The following BCAS3 variants were observed in gnomAD, a reference collection of about 807,000 sequenced individuals.
BCAS3 encodes BCAS3 microtubule associated cell migration factor.
A neutral mutation model predicts 116.1 loss-of-function variants in BCAS3; 53 were observed. The observed-to-expected ratio is 0.46, with a 90% CI of 0.37 to 0.57. The LOEUF is 0.57. Among genes scored for constraint, BCAS3 ranks in the 20% least tolerant of loss-of-function variants. The pLI is 0.00. For missense variants in BCAS3, 917 were observed against 1,165.4 expected (o/e 0.79, Z 3.10); for synonymous variants, 391 against 408.2 (o/e 0.96, Z 0.51).
intron 2 of BCAS3, among the ~76,000 whole-genome samples, chr17:60,681,785 G>A (rs963302901): frequency 4.8e-5 from 7 of 147,286 alleles, no homozygotes; most frequent in African/African-American, 2.5e-5. Flanking sequence ...GCTGGAGTGC[G>A]ATGGCACGAT....
intron 23 of BCAS3, among the ~76,000 whole-genome samples, chr17:61,386,789 G>GTTTTTT (rs1236991526): frequency 8.3e-6 from 1 of 120,964 alleles, no homozygotes; most frequent in Non-Finnish European, 1.7e-5. Flanking sequence ...TTTTGTTTTT[G>GTTTTTT]TTTTTTGTTT....
Position 61,360,035 on chromosome 17 carries a change from C to T in BCAS3, c.2426-8292C>T, listed in dbSNP as rs1343033746. Among the ~76,000 whole-genome samples, 3 of 143,904 alleles carry T rather than the reference C, an allele frequency of 2.1e-5. No individual in the cohort carries two copies. In the Admixed American group the frequency reaches 2.2e-4, roughly 10 times the overall value. The allele number at this position is 143,904 out of a possible 152,430, so 94.4% of individuals were successfully genotyped here. ...CTTTTTTTTTTTTTTGAGACAGAGTCTCACTCTGTCGCCCAGACTGGAGTG... is the reference window on the plus strand; with the variant it reads ...CTTTTTTTTTTTTTTGAGACAGAGTTTCACTCTGTCGCCCAGACTGGAGTG... On this transcript the variant is annotated intron_variant, in intron 22 of 23. Transcript: ENST00000407086.
chr17:61,314,533 C>T (rs945507944), intron 22 of BCAS3, among the ~76,000 whole-genome samples: 1 of 152,234 alleles, frequency 6.6e-6, no homozygotes, highest in Admixed American at 6.5e-5. Flanking sequence ...CAGTTCCTGG[C>T]TTCCTCTTGC....
intron 10 of BCAS3, among the ~76,000 whole-genome samples, chr17:60,898,241 T>C (rs1275344231): frequency 6.6e-6 from 1 of 152,206 alleles, no homozygotes; most frequent in Non-Finnish European, 1.5e-5. Flanking sequence ...TGGAGAGTTA[T>C]TGTGTTTCTT....
rs1475734897 is a variant in BCAS3, at chr17:61,136,171, T to C, written c.2425+51607T>C. On this transcript the variant is annotated intron_variant, in intron 22 of 23. Transcript: ENST00000407086. This position sits in a 1 kb window ranked among gnomAD's most constrained non-coding sequence, Gnocchi z 4.4. ...CACCTATTTAAATGTTTTCCCGTGC[T>C]CTTCCCTCTACATAAAATCATTTCT... 6.6e-6 allele frequency among the ~76,000 whole-genome samples: 1 copy of C among 152,220 alleles called. No individual in the cohort carries two copies. Among genetic ancestry groups the C allele is most frequent in the Non-Finnish European group, 1.5e-5 (1 of 68,052 alleles).
rs372656421 is a variant in BCAS3, at chr17:61,242,276, CAA to C, written c.2426-126034_2426-126033del. Among the ~76,000 whole-genome samples the C allele has an allele frequency of 1.1e-3, 141 of 130,948 alleles. 1 individual carries two copies. The Middle Eastern group carries it at 0.013, about 12-fold the overall frequency. 85.9% of individuals were successfully genotyped at this position (130,948 alleles called of 152,430 possible). A position where few individuals can be genotyped will look rare whatever the true frequency, so the allele number is the denominator to read the frequency against. On this transcript the variant is annotated intron_variant, in intron 22 of 23. Coordinates refer to ENST00000407086, the MANE Select transcript of BCAS3 (RefSeq NM_017679.5). ...GGGCAGCAAATGTGAAACTCTGTCT[CAA>C]AAAAAAAAAAAAAAAATCCAAACAT...
intron 6 of BCAS3, among the ~76,000 whole-genome samples, chr17:60,780,259 A>C (rs1366590056): frequency 6.7e-6 from 1 of 149,874 alleles, no homozygotes; most frequent in Non-Finnish European, 1.5e-5. Flanking sequence ...AAGTGCTTGG[A>C]TTACAGGCGT....
At chr17:61,152,717 TA>T (rs111771842) in intron 22 of BCAS3, among the ~76,000 whole-genome samples, 1,581 of 146,040 alleles carry the variant, frequency 0.011, 14 homozygotes, top group Non-Finnish European at 0.015. Context: ...GGTTAACTTC[TA>T]AAAAAAAAAA....
intron 12 of BCAS3, among the ~76,000 whole-genome samples, chr17:60,917,595 A>ATT (rs541536306): frequency 5.5e-5 from 8 of 146,392 alleles, no homozygotes; most frequent in African/African-American, 2.0e-4. Context: ...CCTTTTGCCA[A>ATT]TTTTTTTTTT....
intron 11 of BCAS3, among the ~76,000 whole-genome samples, chr17:60,909,884 A>G (rs1175247417): frequency 6.6e-6 from 1 of 152,184 alleles, no homozygotes; most frequent in African/African-American, 2.4e-5. Flanking sequence ...TAGGAGCACC[A>G]CATTTAATTG....
intron 22 of BCAS3, among the ~76,000 whole-genome samples, chr17:61,143,547 C>T (rs1407854295): frequency 9.2e-5 from 14 of 152,246 alleles, no homozygotes; most frequent in African/African-American, 2.6e-4. Flanking sequence ...TGGTGGCTCA[C>T]GCCTGTAATC....
chr17:61,027,546 A>ATG (rs2066343024), intron 16 of BCAS3: 1 of 281,140 alleles, frequency 3.6e-6, no homozygotes, highest in Non-Finnish European at 6.9e-6. Context: ...TCAGTCTTAG[A>ATG]CAGGAAGGTC....
chr17:61,301,438 C>A (rs1342227240), intron 22 of BCAS3, among the ~76,000 whole-genome samples: 1 of 152,096 alleles, frequency 6.6e-6, no homozygotes, highest in East Asian at 1.9e-4. Context: ...TCGAGACCAG[C>A]CGGGCCAACA....
chr17:61,087,161 A>G lies in BCAS3; in HGVS notation c.2425+2597A>G. On this transcript the variant is annotated intron_variant, in intron 22 of 23. Transcript: ENST00000407086. This position sits in a 1 kb window ranked among gnomAD's most constrained non-coding sequence, Gnocchi z 4.6. ...TGAACCGGGAAGTGCACCTCTGATT[A>G]TGATCCATGCATTGGAGTCAGCTGC... 2.0e-6 allele frequency: 2 copies of G among 985,532 alleles called. No homozygotes were observed. Among genetic ancestry groups the G allele is most frequent in the Non-Finnish European group, 2.4e-6 (2 of 829,940 alleles). 61.0% of individuals were successfully genotyped at this position (985,532 alleles called of 1,614,324 possible).
chr17:60,844,458 A>C (rs2052305695), intron 7 of BCAS3, among the ~76,000 whole-genome samples: 1 of 152,150 alleles, frequency 6.6e-6, no homozygotes, highest in South Asian at 2.1e-4. Context: ...CCAACATCAC[A>C]TACAATTCCC....
At chr17:60,750,600 A>C (rs749504743) in intron 6 of BCAS3, among the ~76,000 whole-genome samples, 2 of 152,242 alleles carry the variant, frequency 1.3e-5, no homozygotes, top group Admixed American at 6.5e-5. Context: ...AGAATTAATC[A>C]GTGAATTTAG....
intron 7 of BCAS3, among the ~76,000 whole-genome samples, chr17:60,859,313 G>A (rs913925730): frequency 1.3e-5 from 2 of 151,992 alleles, no homozygotes; most frequent in African/African-American, 4.8e-5. Context: ...CATAGTACCC[G>A]ATAGGTAGTT....
intron 6 of BCAS3, among the ~76,000 whole-genome samples, chr17:60,785,533 C>G (rs543230166): frequency 2.0e-5 from 3 of 152,072 alleles, no homozygotes; most frequent in Non-Finnish European, 2.9e-5. Flanking sequence ...GTATTTTTAC[C>G]AGGATGTTTA....
intron 22 of BCAS3, among the ~76,000 whole-genome samples, chr17:61,178,825 A>C (rs2079301251): frequency 1.3e-5 from 2 of 152,188 alleles, no homozygotes; most frequent in Admixed American, 1.3e-4. Context: ...GTAGCCTTTA[A>C]GATGTCAAAA....
Sources: gnomAD v4.1 joint callset for allele counts (sites outside exome capture counted in the v4.1 genomes callset) on GRCh38, gnomAD v4.1.1 for gene constraint, Gnocchi (gnomAD v3.1) non-coding constraint, MANE v1.5 for transcripts, NCBI Gene and HGNC (gene_info 2026-07-23, HGNC 2026-07-21) for gene names.